Variants in IGF2BP3 observed in about 807,000 individuals in gnomAD.
IGF2BP3 encodes the protein insulin like growth factor 2 mRNA binding protein 3.
IGF2BP3 carries 9 observed loss-of-function variants against 73.8 expected under a neutral mutation model. The ratio of observed to expected loss-of-function variants is 0.12; its 90% CI spans 0.07 to 0.21. The LOEUF (loss-of-function observed/expected upper bound fraction) is 0.21, where lower values mean the gene tolerates loss of function less well. IGF2BP3 is among the 10% of genes least tolerant of loss of function. The pLI, the probability that IGF2BP3 is intolerant of heterozygous loss-of-function variation, is 1.00. For synonymous variants in IGF2BP3, 258 were observed against 256.7 expected (o/e 1.01, Z -0.05); for missense variants, 542 against 714.0 (o/e 0.76, Z 2.75).
chr7:23,340,631 A>C (rs1207052112), intron 10 of IGF2BP3, among the ~76,000 whole-genome samples: 1 of 152,210 alleles, frequency 6.6e-6, no homozygotes, highest in African/African-American at 2.4e-5. Flanking sequence ...GAGAGATGTC[A>C]AAACAAATTC....
At chr7:23,339,038 CT>C (rs1262479677) in intron 10 of IGF2BP3, among the ~76,000 whole-genome samples, 20 of 152,340 alleles carry the variant, frequency 1.3e-4, no homozygotes, top group Admixed American at 1.0e-3. Flanking sequence ...TGCGAATTTC[CT>C]TTGCCTGTCC....
At chr7:23,455,024 G>A (rs1207378072) in intron 2 of IGF2BP3, among the ~76,000 whole-genome samples, 1 of 152,186 alleles carries the variant, frequency 6.6e-6, no homozygotes, top group African/African-American at 2.4e-5. Flanking sequence ...TGTTTTGGGA[G>A]CATAGCCAGA....
At chr7:23,423,783 C>A (rs1011350042) in intron 2 of IGF2BP3, among the ~76,000 whole-genome samples, 3 of 150,744 alleles carry the variant, frequency 2.0e-5, no homozygotes, top group African/African-American at 4.9e-5. Flanking sequence ...AAAAAAAAAA[C>A]AAAAACCCCA....
At chr7:23,408,682 A>G (rs1015477488) in intron 3 of IGF2BP3, among the ~76,000 whole-genome samples, 3 of 152,218 alleles carry the variant, frequency 2.0e-5, no homozygotes, top group African/African-American at 7.2e-5. Context: ...CTGCTATAAC[A>G]TCCAGCAATC....
rs1784956606 is a variant in IGF2BP3, at chr7:23,351,400, C to A, written c.588G>T (p.Leu196Phe). 2 of 1,613,724 alleles carry A rather than the reference C, an allele frequency of 1.2e-6. No homozygotes were observed. The highest frequency in any genetic ancestry group is 1.7e-5 in the Admixed American group (1 of 59,968). ...GSVSKQKPCD[L>F]PLRLLVPTQF... ...GGGTGGGAACCAGCAGGCGCAGAGG[C>A]AAATCACATGGTTTCTGCTTGGATA... The change falls in exon 6 of 15, where the codon TTG (leucine) becomes TTT (phenylalanine). Residue 196 changes from leucine (L) to phenylalanine (F), a missense_variant. Physicochemically the swap from Leu to Phe is conservative, Grantham distance 22 (BLOSUM62 0). Coordinates refer to ENST00000258729, the MANE Select transcript of IGF2BP3 (RefSeq NM_006547.3).
chr7:23,381,055 A>T lies in IGF2BP3; in HGVS notation c.286-19314T>A, dbSNP rs558998565. Among the ~76,000 whole-genome samples, 10 of 152,238 alleles carry T rather than the reference A, an allele frequency of 6.6e-5. No individual in the cohort carries two copies. In the South Asian group the frequency reaches 2.1e-3, roughly 32 times the overall value. On this transcript the variant is annotated intron_variant, in intron 3 of 14. Transcript: ENST00000258729. ...ATTCACTTGTCCATGTCTAAATCAG[A>T]CTCAACTTCACAGCTGTATCTAGAA...
At chr7:23,378,869 G>C (rs1327078299) in intron 3 of IGF2BP3, among the ~76,000 whole-genome samples, 1 of 152,062 alleles carries the variant, frequency 6.6e-6, no homozygotes, top group Non-Finnish European at 1.5e-5. Context: ...ACCGTGCCTG[G>C]CCTTCTCTTC....
intron 3 of IGF2BP3, among the ~76,000 whole-genome samples, chr7:23,380,682 C>G (rs1176905813): frequency 6.6e-6 from 1 of 152,186 alleles, no homozygotes; most frequent in Non-Finnish European, 1.5e-5. Context: ...TAAAAATTCA[C>G]CAGTACCTCT....
intron 3 of IGF2BP3, among the ~76,000 whole-genome samples, chr7:23,417,186 C>A (rs76155085): frequency 0.011 from 1,648 of 152,266 alleles, 26 homozygotes; most frequent in African/African-American, 0.038. Context: ...AACGAACTCT[C>A]AATAAAATTG....
intron 3 of IGF2BP3, chr7:23,405,094 A>T (rs958275539): frequency 6.6e-6 from 1 of 152,226 alleles, no homozygotes; most frequent in East Asian, 1.9e-4. Context: ...TTCAGTCTCA[A>T]TTCAACCAAA....
At chr7:23,391,089 G>A (rs1419380746) in intron 3 of IGF2BP3, among the ~76,000 whole-genome samples, 1 of 144,748 alleles carries the variant, frequency 6.9e-6, no homozygotes, top group African/African-American at 2.6e-5. Context: ...GTGAACCATC[G>A]CGCCTGGCTT....
intron 3 of IGF2BP3, among the ~76,000 whole-genome samples, chr7:23,373,454 G>C (rs77327742): frequency 0.016 from 2,485 of 151,660 alleles, 62 homozygotes; most frequent in African/African-American, 0.057. Context: ...AAAACCACAA[G>C]GAGATACCAC....
At chr7:23,388,915 A>T (rs1325670030) in intron 3 of IGF2BP3, among the ~76,000 whole-genome samples, 1 of 152,132 alleles carries the variant, frequency 6.6e-6, no homozygotes, top group African/African-American at 2.4e-5. Context: ...TAAACAAGTA[A>T]ATAGTAGTAT....
intron 5 of IGF2BP3, among the ~76,000 whole-genome samples, chr7:23,355,062 GA>G (rs1285351466): frequency 6.6e-6 from 1 of 151,762 alleles, no homozygotes; most frequent in Non-Finnish European, 1.5e-5. Context: ...AGTTCACGAG[GA>G]AAAAAAATTT....
chr7:23,433,979 G>A (rs1053169257), intron 2 of IGF2BP3, among the ~76,000 whole-genome samples: 6 of 151,892 alleles, frequency 4.0e-5, no homozygotes, highest in African/African-American at 1.5e-4. Flanking sequence ...TTGGGAGGCT[G>A]GGGCAAGAGA....
intron 10 of IGF2BP3, among the ~76,000 whole-genome samples, chr7:23,334,773 GC>G (rs1205008935): frequency 3.3e-5 from 5 of 152,316 alleles, no homozygotes; most frequent in Middle Eastern, 3.4e-3. Flanking sequence ...GGTGAAGTCT[GC>G]CAATGAGTAA....
intron 6 of IGF2BP3, 164 bp from the exon 7 acceptor site, chr7:23,347,898 A>T: frequency 1.5e-6 from 1 of 658,264 alleles, no homozygotes; most frequent in Non-Finnish European, 2.4e-6. Context: ...TTAATGCCTT[A>T]AGAGGCAAAT....
At chr7:23,441,364 A>G (rs1181482803) in intron 2 of IGF2BP3, among the ~76,000 whole-genome samples, 1 of 151,836 alleles carries the variant, frequency 6.6e-6, no homozygotes, top group Non-Finnish European at 1.5e-5. Flanking sequence ...CATGAGGTCA[A>G]GAGATCGAGA....
At chr7:23,332,301 A>C (rs1043034520) in intron 10 of IGF2BP3, among the ~76,000 whole-genome samples, 1 of 152,136 alleles carries the variant, frequency 6.6e-6, no homozygotes, top group Non-Finnish European at 1.5e-5. Context: ...TCACCCACCC[A>C]TCTCTAATCA....
Sources: allele counts gnomAD v4.1 joint callset (sites outside exome capture counted in the v4.1 genomes callset), GRCh38; gene constraint gnomAD v4.1.1; transcripts MANE v1.5; gene names NCBI Gene and HGNC (gene_info 2026-07-23, HGNC 2026-07-21).